The following LRBA variants were observed in gnomAD, a reference collection of about 807,000 sequenced individuals.
LRBA encodes lipopolysaccharide-responsive and beige-like anchor protein.
LRBA carries 176 observed loss-of-function variants against 330.0 expected under a neutral mutation model. The ratio of observed to expected loss-of-function variants is 0.53; its 90% CI spans 0.47 to 0.60. LRBA has a LOEUF of 0.60. LRBA is among the 20% of genes least tolerant of loss of function. The probability of loss-of-function intolerance (pLI) is 0.00; values close to 1 mark genes in which losing one functional copy is unlikely to be tolerated. For missense variants in LRBA, 3,259 were observed against 3,444.8 expected (o/e 0.95, Z 1.35); for synonymous variants, 1,230 against 1,193.0 (o/e 1.03, Z -0.64).
chr4:150,419,139 G>C (rs1022876885), intron 46 of LRBA, among the ~76,000 whole-genome samples: 2 of 152,100 alleles, frequency 1.3e-5, no homozygotes, highest in African/African-American at 2.4e-5. Flanking sequence ...TTGGTAAATG[G>C]AGTAAGTACA....
intron 22 of LRBA, among the ~76,000 whole-genome samples, 200 bp downstream of exon 22, chr4:150,867,471 G>GA (rs1225574536): frequency 5.3e-5 from 8 of 152,034 alleles, no homozygotes; most frequent in African/African-American, 1.9e-4. Context: ...AACAACATTA[G>GA]AAAAAATTAT....
intron 47 of LRBA, among the ~76,000 whole-genome samples, chr4:150,401,518 G>A (rs1357747275): frequency 1.3e-5 from 2 of 152,062 alleles, no homozygotes; most frequent in African/African-American, 2.4e-5. Context: ...GGCAGCCCTA[G>A]GAAACTAATA....
At chr4:150,465,394 C>T (rs1020368662) in intron 44 of LRBA, among the ~76,000 whole-genome samples, 1 of 151,994 alleles carries the variant, frequency 6.6e-6, no homozygotes, top group African/African-American at 2.4e-5. Flanking sequence ...CTGTTCTTAT[C>T]CCTACTTTCA....
At chr4:150,413,959 T>C (rs1186169585) in intron 47 of LRBA, among the ~76,000 whole-genome samples, 2 of 33,184 alleles carry the variant, frequency 6.0e-5, no homozygotes, top group Non-Finnish European at 3.4e-4. Context: ...TTAGTCTTCA[T>C]CTCTCAATCA....
chr4:150,631,908 C>CAA (rs750773724), intron 37 of LRBA, among the ~76,000 whole-genome samples: 7 of 152,070 alleles, frequency 4.6e-5, no homozygotes, highest in Non-Finnish European at 8.8e-5. Context: ...AGGTAAAGAT[C>CAA]AGAGTGTTGA....
At chr4:150,984,711 T>C (rs1561092647) in intron 2 of LRBA, among the ~76,000 whole-genome samples, 1 of 152,124 alleles carries the variant, frequency 6.6e-6, no homozygotes, top group Admixed American at 6.6e-5. Context: ...CCAAATAAAT[T>C]TGTGTGTGTG....
At chr4:150,351,699 A>T (rs1194258347) in intron 47 of LRBA, among the ~76,000 whole-genome samples, 1 of 152,160 alleles carries the variant, frequency 6.6e-6, no homozygotes, top group Non-Finnish European at 1.5e-5. Flanking sequence ...AAAAAACAAA[A>T]CAAAACAAAA....
chr4:150,868,991 A>G (rs1753086223), intron 20 of LRBA, among the ~76,000 whole-genome samples: 1 of 152,176 alleles, frequency 6.6e-6, no homozygotes. Context: ...TCTCAGAAAA[A>G]TATAATAAAT....
At chr4:150,380,438 G>A (rs1460180981) in intron 47 of LRBA, among the ~76,000 whole-genome samples, 1 of 151,950 alleles carries the variant, frequency 6.6e-6, no homozygotes, top group Non-Finnish European at 1.5e-5. Flanking sequence ...CCTACATCAG[G>A]ATCACCTAGG....
intron 2 of LRBA, among the ~76,000 whole-genome samples, chr4:150,980,017 A>G (rs1740663348): frequency 6.6e-6 from 1 of 152,208 alleles, no homozygotes; most frequent in Non-Finnish European, 1.5e-5. Context: ...CATATCAAAA[A>G]AAGGAAAACT....
intron 35 of LRBA, among the ~76,000 whole-genome samples, chr4:150,756,459 T>C (rs79814744): frequency 0.028 from 4,228 of 152,216 alleles, 184 homozygotes; most frequent in African/African-American, 0.096. Context: ...AAATAAGAAC[T>C]TGAAGCCCTT....
chr4:150,861,253 C>T (rs1443443976), intron 22 of LRBA, among the ~76,000 whole-genome samples: 1 of 146,554 alleles, frequency 6.8e-6, no homozygotes, highest in Non-Finnish European at 1.5e-5. Context: ...CAGGTGCATG[C>T]CACCATCCCA....
At chr4:150,898,912 C>T (rs1019274831) in intron 14 of LRBA, among the ~76,000 whole-genome samples, 4 of 152,122 alleles carry the variant, frequency 2.6e-5, no homozygotes, top group African/African-American at 9.7e-5. Context: ...TTCTCTGAGG[C>T]TAAACCAAGC....
intron 37 of LRBA, among the ~76,000 whole-genome samples, chr4:150,624,423 T>C (rs544287221): frequency 1.3e-5 from 2 of 152,246 alleles, no homozygotes; most frequent in Non-Finnish European, 2.9e-5. Context: ...CTATTCCCTT[T>C]TCACTCATAC....
intron 2 of LRBA, among the ~76,000 whole-genome samples, chr4:150,941,010 T>C (rs963980454): frequency 6.6e-6 from 1 of 152,090 alleles, no homozygotes; most frequent in East Asian, 1.9e-4. Flanking sequence ...CTGTGCTGCT[T>C]TTTTAACGGG....
chr4:150,374,405 T>A (rs1740916204), intron 47 of LRBA, among the ~76,000 whole-genome samples: 1 of 152,220 alleles, frequency 6.6e-6, no homozygotes, highest in African/African-American at 2.4e-5. Context: ...TTCCTTTCCT[T>A]CTTCTTACTG....
intron 48 of LRBA, among the ~76,000 whole-genome samples, chr4:150,349,202 T>A (rs1398703688): frequency 6.6e-6 from 1 of 152,130 alleles, no homozygotes; most frequent in Non-Finnish European, 1.5e-5. Flanking sequence ...AAAGAATGCA[T>A]CAAGTGCTAG....
intron 37 of LRBA, among the ~76,000 whole-genome samples, chr4:150,669,940 C>CAGTG (rs1282252254): frequency 6.6e-6 from 1 of 152,120 alleles, no homozygotes; most frequent in Non-Finnish European, 1.5e-5. Flanking sequence ...GTGCACTTCT[C>CAGTG]AGTGCATCAC....
Position 151,014,786 on chromosome 4 carries a change from T to A in LRBA, c.-144A>T. The A allele has an allele frequency of 1.7e-6, 1 of 598,422 alleles. No individual in the cohort carries two copies. Among genetic ancestry groups the A allele is most frequent in the Middle Eastern group, 4.4e-4 (1 of 2,250 alleles). The allele number at this position is 598,422 out of a possible 1,614,324, so 37.1% of individuals were successfully genotyped here. Reference sequence around the variant, plus strand: ...ACCCCAAAGCAGTTGATGTGGAAAGTCCTTGGCGTCGCCCTCCTCCTCTTG... The same window carrying A: ...ACCCCAAAGCAGTTGATGTGGAAAGACCTTGGCGTCGCCCTCCTCCTCTTG... On this transcript the variant is annotated 5_prime_UTR_variant, in exon 2 of 57. Coordinates refer to ENST00000651943, the MANE Select transcript of LRBA (RefSeq NM_001364905.1).
Sources: allele counts gnomAD v4.1 joint callset (sites outside exome capture counted in the v4.1 genomes callset), GRCh38; gene constraint gnomAD v4.1.1; transcripts MANE v1.5; gene names NCBI Gene and HGNC (gene_info 2026-07-23, HGNC 2026-07-21).